DNAI1: variants seen among roughly 807,000 people sequenced by gnomAD.
DNAI1 encodes dynein, axonemal, intermediate polypeptide 1.
Under a neutral mutation model 92.0 loss-of-function variants are expected in DNAI1, and 67 were observed. That is an observed-to-expected ratio of 0.73 (90% CI 0.60 to 0.89). DNAI1 has a LOEUF of 0.89. Among genes scored for constraint, DNAI1 ranks in the 40% least tolerant of loss-of-function variants. DNAI1 has a pLI of 0.00. For missense variants in DNAI1, 839 were observed against 866.6 expected (o/e 0.97, Z 0.40); for synonymous variants, 323 against 319.6 (o/e 1.01, Z -0.11).
At chr9:34,501,766 G>A (rs1281918768) in intron 12 of DNAI1, among the ~76,000 whole-genome samples, 2 of 152,294 alleles carry the variant, frequency 1.3e-5, no homozygotes, top group East Asian at 1.9e-4. Flanking sequence ...CTTCCTGACC[G>A]GGTGGGTGGG....
intron 12 of DNAI1, among the ~76,000 whole-genome samples, 184 bp downstream of exon 12, chr9:34,501,365 GCT>G (rs1824828102): frequency 6.6e-6 from 1 of 152,258 alleles, no homozygotes; most frequent in Admixed American, 6.5e-5. Flanking sequence ...AATATTCTAA[GCT>G]GAATGTGTCA....
At chr9:34,486,815 C>A (rs1587068581) in intron 4 of DNAI1, among the ~76,000 whole-genome samples, 1 of 152,148 alleles carries the variant, frequency 6.6e-6, no homozygotes. Context: ...AACCACTGAA[C>A]TATTTTCTGT....
At chr9:34,519,381 C>T (rs1240823912) in intron 19 of DNAI1, among the ~76,000 whole-genome samples, 1 of 152,124 alleles carries the variant, frequency 6.6e-6, no homozygotes, top group Non-Finnish European at 1.5e-5. Context: ...AGGCCTTGCC[C>T]AAAGTCATAT....
intron 1 of DNAI1, among the ~76,000 whole-genome samples, chr9:34,459,726 G>A (rs965046501): frequency 1.3e-5 from 2 of 152,336 alleles, no homozygotes; most frequent in Admixed American, 6.5e-5. Context: ...GATTACAGGC[G>A]TGAGCCACGG....
In DNAI1 at chr9:34,520,740, T is replaced by G; in HGVS notation, c.2084T>G (p.Val695Gly). The G allele has an allele frequency of 6.4e-7, 1 of 1,551,526 alleles. No individual in the cohort carries two copies. Among genetic ancestry groups the G allele is most frequent in the Non-Finnish European group, 8.7e-7 (1 of 1,146,926 alleles). The part of the protein sequence containing the change: ...LDKLLNLVRE[V>G]KIKT ...AAACTGCTGAACCTGGTGAGGGAAG[T>G]GAAAATCAAGACCTGAGGGGCTGGC... The change falls in exon 20 of 20, where the codon GTG becomes GGG. Residue 695 changes from valine to glycine, a missense_variant. Val to Gly is a moderately radical substitution (Grantham distance 109, BLOSUM62 -3). Coordinates refer to ENST00000242317, the MANE Select transcript of DNAI1 (RefSeq NM_012144.4).
chr9:34,482,141 G>A (rs1000635280), intron 1 of DNAI1, among the ~76,000 whole-genome samples: 11 of 152,300 alleles, frequency 7.2e-5, no homozygotes, highest in African/African-American at 2.4e-4. Context: ...ACAGAGTGTC[G>A]ATTGGTGCAT....
At position 34,504,620 on chromosome 9, in the gene DNAI1, T is replaced by C. The variant is rs574597473; in HGVS notation, c.1064-2007T>C. 5.3e-5 allele frequency among the ~76,000 whole-genome samples: 8 copies of C among 152,354 alleles called. No individual in the cohort carries two copies. In the South Asian group the frequency reaches 1.7e-3, roughly 32 times the overall value. On this transcript the variant is annotated intron_variant, in intron 12 of 19. Transcript: ENST00000242317. Reference sequence around the variant, plus strand: ...AAATCAAATTAAATGTCCCGCTTGATGTATTCTGTCTCTAAGGCCTTGCTC... The same window carrying C: ...AAATCAAATTAAATGTCCCGCTTGACGTATTCTGTCTCTAAGGCCTTGCTC...
At chr9:34,512,517 T>C (rs1366518942) in intron 15 of DNAI1, 93 bp downstream of exon 15, 2 of 1,228,850 alleles carry the variant, frequency 1.6e-6, no homozygotes, top group African/African-American at 3.0e-5. Context: ...GACTGAGTGC[T>C]CCCTCCCCAA....
chr9:34,499,749 A>T (rs1255632875), intron 10 of DNAI1, among the ~76,000 whole-genome samples: 1 of 152,196 alleles, frequency 6.6e-6, no homozygotes, highest in Non-Finnish European at 1.5e-5. Flanking sequence ...AACACCCAAA[A>T]CAGGAGACAA....
At chr9:34,506,043 AGT>A (rs1824921993) in intron 12 of DNAI1, among the ~76,000 whole-genome samples, 1 of 152,222 alleles carries the variant, frequency 6.6e-6, no homozygotes, top group Non-Finnish European at 1.5e-5. Flanking sequence ...GCCCAGGTCA[AGT>A]GGGCCTGTGG....
intron 12 of DNAI1, among the ~76,000 whole-genome samples, chr9:34,502,083 C>G (rs530546211): frequency 6.6e-6 from 1 of 152,214 alleles, no homozygotes. Context: ...ATTCTCCAAG[C>G]TGCTGCTGGC....
intron 1 of DNAI1, among the ~76,000 whole-genome samples, chr9:34,461,197 G>C (rs1169680897): frequency 6.6e-6 from 1 of 151,960 alleles, no homozygotes; most frequent in Non-Finnish European, 1.5e-5. Context: ...GGCTGGTCTC[G>C]GACTCCTGAC....
At chr9:34,512,040 C>T (rs1345915547) in intron 13 of DNAI1, 69 bp from the exon 14 acceptor site, 2 of 1,499,828 alleles carry the variant, frequency 1.3e-6, no homozygotes, top group African/African-American at 1.4e-5. Flanking sequence ...TGGGGGAGCC[C>T]TGCTCTGCCC....
intron 5 of DNAI1, among the ~76,000 whole-genome samples, chr9:34,489,690 A>C (rs555384959): frequency 6.6e-6 from 1 of 152,270 alleles, no homozygotes; most frequent in South Asian, 2.1e-4. Context: ...TCTACTAAAA[A>C]TACAAAAAAT....
At chr9:34,492,513 T>C (rs866475157) in intron 8 of DNAI1, among the ~76,000 whole-genome samples, 6 of 117,148 alleles carry the variant, frequency 5.1e-5, no homozygotes, top group Non-Finnish European at 9.3e-5. Flanking sequence ...TATATATATA[T>C]ATATATATAT....
intron 19 of DNAI1, among the ~76,000 whole-genome samples, chr9:34,519,868 C>T (rs888046562): frequency 6.6e-6 from 1 of 152,200 alleles, no homozygotes; most frequent in South Asian, 2.1e-4. Flanking sequence ...CCCTCACCCC[C>T]CTGCCTGGAC....
intron 11 of DNAI1, 109 bp downstream of exon 11, chr9:34,500,948 A>G (rs1824820308): frequency 9.6e-7 from 1 of 1,041,082 alleles, no homozygotes; most frequent in African/African-American, 1.6e-5. Flanking sequence ...ATGTGACAGT[A>G]TAGAAAAATA....
At chr9:34,483,223 C>T (rs565925713) in intron 1 of DNAI1, among the ~76,000 whole-genome samples, 1 of 152,332 alleles carries the variant, frequency 6.6e-6, no homozygotes, top group East Asian at 1.9e-4. Flanking sequence ...GAAAGGGGCT[C>T]CCACAGTGCA....
At position 34,489,339 on chromosome 9, in the gene DNAI1, C is replaced by T. The variant is rs2132061008; in HGVS notation, c.278C>T (p.Pro93Leu). The T allele has an allele frequency of 6.8e-6, 11 of 1,614,068 alleles. No individual in the cohort carries two copies. Among genetic ancestry groups the T allele is most frequent in the Non-Finnish European group, 8.5e-6 (10 of 1,179,978 alleles). ...TCTTCTTAGGAAGGCACATATAAGC[C>T]TATTGGCTTTGTGAACCAACTGGCA... ...RYSFKEGTYK[P>L]IGFVNQLAVH... The change falls in exon 5 of 20, where the codon CCT becomes CTT. Residue 93 changes from proline (P) to leucine (L), a missense_variant. Transcript: ENST00000242317.
Sources: gnomAD v4.1 joint callset for allele counts (sites outside exome capture counted in the v4.1 genomes callset) on GRCh38, gnomAD v4.1.1 for gene constraint, MANE v1.5 for transcripts, NCBI Gene and HGNC (gene_info 2026-07-23, HGNC 2026-07-21) for gene names.